SFXN4: variants seen among roughly 807,000 people sequenced by gnomAD.
SFXN4 encodes sideroflexin-4.
In SFXN4, 48 loss-of-function variants were observed where a neutral mutation model predicts 54.6. The ratio of observed to expected loss-of-function variants is 0.88; its 90% confidence interval spans 0.70 to 1.12. The LOEUF is 1.12. Among genes scored for constraint, SFXN4 ranks in the 50% most tolerant of loss-of-function variants. The pLI, the probability that SFXN4 is intolerant of heterozygous loss-of-function variation, is 0.00. For missense variants in SFXN4, 383 were observed against 409.2 expected (o/e 0.94, Z 0.55); for synonymous variants, 130 against 145.5 (o/e 0.89, Z 0.77).
intron 11 of SFXN4, among the ~76,000 whole-genome samples, chr10:119,153,402 C>CAA (rs34129853): frequency 0.37 from 36,351 of 97,852 alleles, 5,620 homozygotes; most frequent in South Asian, 0.45. Flanking sequence ...GACCCTGTCT[C>CAA]AAAAAAAAAA....
chr10:119,161,412 AAAC>A (rs1398285826), intron 3 of SFXN4, among the ~76,000 whole-genome samples: 31 of 143,872 alleles, frequency 2.2e-4, no homozygotes, highest in South Asian at 9.2e-4. Flanking sequence ...AGCCTTAAAA[AAAC>A]AACAACAACA....
At chr10:119,149,326 A>C (rs1846953321) in intron 11 of SFXN4, among the ~76,000 whole-genome samples, 1 of 151,332 alleles carries the variant, frequency 6.6e-6, no homozygotes. Context: ...TCCTCCTACC[A>C]CCCGGCCCCT....
chr10:119,144,806 A>G (rs1201154820), intron 13 of SFXN4, among the ~76,000 whole-genome samples: 2 of 152,174 alleles, frequency 1.3e-5, no homozygotes, highest in Admixed American at 1.3e-4. Flanking sequence ...TTAATTTACA[A>G]TTCAGTTCCC....
rs1223547634 is a variant in SFXN4 at position 119,141,313 on chromosome 10, A to C, written c.943T>G (p.Tyr315Asp). 2.5e-6 allele frequency: 4 copies of C among 1,575,566 alleles called. No homozygotes were observed. Among genetic ancestry groups the C allele is most frequent in the Non-Finnish European group, 3.5e-6 (4 of 1,153,030 alleles). ...SIFPQIGQIQYCSLEEKIQSP... is the reference protein window; with the variant it reads ...SIFPQIGQIQDCSLEEKIQSP... ...TGAATTTTCTCTTCAAGACTACAGT[A>C]CTGTATCTGAAAAATAGTTAAATTC... Residue 315 changes from tyrosine to aspartate, a missense_variant, in exon 14 of 14, where the codon TAC becomes GAC. Physicochemically the swap from Tyr to Asp is radical, Grantham distance 160. Coordinates refer to ENST00000355697, the MANE Select transcript of SFXN4 (RefSeq NM_213649.2).
intron 13 of SFXN4, among the ~76,000 whole-genome samples, chr10:119,141,558 TG>T (rs1018998478): frequency 6.1e-5 from 9 of 147,200 alleles, no homozygotes; most frequent in African/African-American, 2.3e-4. Context: ...TTGCGCAGGC[TG>T]GAGTGCAGTG....
Position 119,146,224 on chromosome 10 carries a change from G to C in SFXN4, c.936+12C>G, listed in dbSNP as rs1300187076. ...AAAAACTTTGAGAGAAAAGAGGAATGGGGGCACTTACCTGTCCAATCTGTG... is the reference window on the plus strand; with the variant it reads ...AAAAACTTTGAGAGAAAAGAGGAATCGGGGCACTTACCTGTCCAATCTGTG... On this transcript the variant is annotated intron_variant, in intron 13 of 13. Transcript: ENST00000355697. The C allele has an allele frequency of 7.8e-6, 11 of 1,408,134 alleles. No homozygotes were observed. The highest frequency in any genetic ancestry group is 1.1e-5 in the Non-Finnish European group (11 of 1,004,444). The allele number at this position is 1,408,134 out of a possible 1,614,324, so 87.2% of individuals were successfully genotyped here.
At chr10:119,146,436 T>C (rs1846804927) in intron 12 of SFXN4, 83 bp from the exon 13 acceptor site, 2 of 483,830 alleles carry the variant, frequency 4.1e-6, no homozygotes, top group African/African-American at 2.7e-5. Flanking sequence ...GGCGTGTGTG[T>C]GTGTGTGTGT....
In SFXN4 at chr10:119,157,430, CA is replaced by C. The variant is rs35373900; in HGVS notation, c.537+237del. On this transcript the variant is annotated intron_variant, in intron 9 of 13. Coordinates refer to ENST00000355697, the MANE Select transcript of SFXN4 (RefSeq NM_213649.2). ...TGGGCAACAGAGCAAGACTGTGTCT[CA>C]AAAAAAAAAAAAAAAGAAAATAGAA... Among the ~76,000 whole-genome samples the C allele has an allele frequency of 0.69, 79,501 of 115,876 alleles. 24,993 individuals carry two copies. The highest frequency in any genetic ancestry group is 0.81 in the East Asian group (3,291 of 4,080). 76.0% of individuals were successfully genotyped at this position (115,876 alleles called of 152,430 possible). A position where few individuals can be genotyped will look rare whatever the true frequency, so the allele number is the denominator to read the frequency against.
At chr10:119,151,826 T>C (rs1293854731) in intron 11 of SFXN4, among the ~76,000 whole-genome samples, 1 of 151,586 alleles carries the variant, frequency 6.6e-6, no homozygotes, top group Non-Finnish European at 1.5e-5. Flanking sequence ...CTATGTTTTA[T>C]TTTTTGAGAC....
chr10:119,146,490 T>A, intron 12 of SFXN4, 137 bp from the exon 13 acceptor site: 1 of 508,794 alleles, frequency 2.0e-6, no homozygotes. Flanking sequence ...AACACCTGGA[T>A]CAGGGCCTGT....
chr10:119,156,835 C>T lies in SFXN4; in HGVS notation c.538-79G>A, dbSNP rs913490733. ...ACCTACTCACTAGCAGAGAGGTCGC[C>T]CTGACCTAGTTCCTATTACAAGTCA... On this transcript the variant is annotated intron_variant, in intron 9 of 13. Coordinates refer to ENST00000355697, the MANE Select transcript of SFXN4 (RefSeq NM_213649.2). 3.8e-6 allele frequency: 4 copies of T among 1,052,022 alleles called. No individual in the cohort carries two copies. In the African/African-American group the frequency reaches 6.4e-5, roughly 17 times the overall value. 65.2% of individuals were successfully genotyped at this position (1,052,022 alleles called of 1,614,324 possible).
intron 5 of SFXN4, 64 bp from the exon 6 acceptor site, chr10:119,159,817 G>A (rs1004842931): frequency 1.9e-5 from 30 of 1,564,042 alleles, no homozygotes; most frequent in Middle Eastern, 1.7e-4. Flanking sequence ...GGGGCCAGAA[G>A]GGGACTACCC....
At chr10:119,150,960 C>T (rs1589632260) in intron 11 of SFXN4, among the ~76,000 whole-genome samples, 1 of 152,146 alleles carries the variant, frequency 6.6e-6, no homozygotes, top group East Asian at 1.9e-4. Context: ...AACAAATGAG[C>T]AACATGTGGT....
chr10:119,164,107 A>T (rs1847667351), intron 2 of SFXN4, 24 bp downstream of exon 2: 2 of 1,383,516 alleles, frequency 1.4e-6, no homozygotes, highest in Non-Finnish European at 2.0e-6. Flanking sequence ...TGTGAAATTC[A>T]TTAGCTCTGA....
chr10:119,142,405 T>G (rs986159611), intron 13 of SFXN4, among the ~76,000 whole-genome samples: 2 of 152,122 alleles, frequency 1.3e-5, no homozygotes, highest in Non-Finnish European at 2.9e-5. Context: ...GACCTTATCA[T>G]TATTGATATA....
chr10:119,145,031 T>C lies in SFXN4; in HGVS notation c.936+1205A>G, dbSNP rs113380643. ...CCCAGAAAAAAAGGCTTATGAAATA[T>C]TGTTAAGAAAAACAGAACCCAAAAC... On this transcript the variant is annotated intron_variant, in intron 13 of 13. Coordinates refer to ENST00000355697, the MANE Select transcript of SFXN4 (RefSeq NM_213649.2). Among the ~76,000 whole-genome samples, 1,009 of 152,300 alleles carry C rather than the reference T, an allele frequency of 6.6e-3. 9 individuals are homozygous for C. The highest frequency in any genetic ancestry group is 0.021 in the East Asian group (108 of 5,182).
chr10:119,159,576 G>A, intron 6 of SFXN4, 152 bp downstream of exon 6: 1 of 816,904 alleles, frequency 1.2e-6, no homozygotes, highest in Non-Finnish European at 2.1e-6. Flanking sequence ...CGTATGAACA[G>A]CAGCCATGGG....
Position 119,141,266 on chromosome 10 carries a change from TTC to T in SFXN4, c.988_989del (p.Glu330AsnfsTer14), listed in dbSNP as rs1846511102. 3.1e-6 allele frequency: 5 copies of T among 1,612,116 alleles called. No homozygotes were observed. The highest frequency in any genetic ancestry group is 4.2e-6 in the Non-Finnish European group (5 of 1,178,264). ...CCTACACCCCTCTGTGATAAAAGATTTCTGTTTCTTCTGTTGGAGACTGAATT... is the reference window on the plus strand; with the variant it reads ...CCTACACCCCTCTGTGATAAAAGATTTGTTTCTTCTGTTGGAGACTGAATT... ...EKIQSPTEET[E>X]IFYHRGV On this transcript the variant is annotated frameshift_variant, in exon 14 of 14. Coordinates refer to ENST00000355697, the MANE Select transcript of SFXN4 (RefSeq NM_213649.2). LOFTEE classifies it high-confidence loss of function.
intron 12 of SFXN4, 135 bp downstream of exon 12, chr10:119,147,640 C>A: frequency 1.4e-6 from 1 of 695,256 alleles, no homozygotes; most frequent in Non-Finnish European, 2.5e-6. Flanking sequence ...ATCCGCCTGT[C>A]TTAGCTGTGA....
Sources: allele counts gnomAD v4.1 joint callset (sites outside exome capture counted in the v4.1 genomes callset), GRCh38; gene constraint gnomAD v4.1.1; transcripts MANE v1.5; gene names NCBI Gene and HGNC (gene_info 2026-07-23, HGNC 2026-07-21).